The following CSMD1 variants were observed in gnomAD, a reference collection of about 807,000 sequenced individuals.
CSMD1 encodes CUB and Sushi multiple domains 1.
A neutral mutation model predicts 417.5 loss-of-function variants in CSMD1; 213 were observed. That is an observed-to-expected ratio of 0.51 (90% CI 0.46 to 0.57). The LOEUF (loss-of-function observed/expected upper bound fraction) is 0.57. Among genes scored for constraint, CSMD1 ranks in the 20% least tolerant of loss-of-function variants. The probability of loss-of-function intolerance (pLI) is 0.00; values close to 1 mark genes in which losing one functional copy is unlikely to be tolerated. For missense variants in CSMD1, 6,923 were observed against 4,529.7 expected (o/e 1.53, Z -15.17); for synonymous variants, 2,862 against 1,736.8 (o/e 1.65, Z -16.11).
intron 18 of CSMD1, among the ~76,000 whole-genome samples, chr8:3,382,523 T>TTATATAAATATATATATATAAATA (rs1810700783): frequency 1.5e-5 from 2 of 132,144 alleles, no homozygotes; most frequent in African/African-American, 5.6e-5. Flanking sequence ...ATATATAAAT[T>TTATATAAATATATATATATAAATA]TATATAAATA....
intron 1 of CSMD1, among the ~76,000 whole-genome samples, chr8:4,691,815 C>G (rs1806785713): frequency 6.6e-6 from 1 of 152,206 alleles, no homozygotes; most frequent in South Asian, 2.1e-4. Flanking sequence ...CTAACCACAG[C>G]AGATAAAGTC....
intron 41 of CSMD1, among the ~76,000 whole-genome samples, chr8:3,119,023 A>T (rs909623475): frequency 2.6e-5 from 4 of 152,158 alleles, no homozygotes. Context: ...TACTAAAAAT[A>T]CAAAAAGTTA....
intron 1 of CSMD1, among the ~76,000 whole-genome samples, chr8:4,702,469 T>C (rs1807636399): frequency 6.6e-6 from 1 of 152,138 alleles, no homozygotes; most frequent in Non-Finnish European, 1.5e-5. Context: ...AATAGTCCCC[T>C]TCAGTCAAAA....
intron 5 of CSMD1, among the ~76,000 whole-genome samples, chr8:3,995,231 A>C (rs372594539): frequency 7.9e-5 from 12 of 152,192 alleles, no homozygotes; most frequent in Non-Finnish European, 1.6e-4. Context: ...GTAGGTTTCC[A>C]TAGTTATTTA....
chr8:4,575,339 C>T (rs1799087618), intron 2 of CSMD1, among the ~76,000 whole-genome samples: 1 of 152,162 alleles, frequency 6.6e-6, no homozygotes, highest in Admixed American at 6.5e-5. Context: ...GTGGCAATAA[C>T]AGGTCACATT....
chr8:4,798,904 G>C (rs925741721), intron 1 of CSMD1, among the ~76,000 whole-genome samples: 1 of 152,138 alleles, frequency 6.6e-6, no homozygotes, highest in Admixed American at 6.5e-5. Flanking sequence ...TCAGACCAAA[G>C]TAAAAATTCA....
chr8:4,342,768 A>G (rs1369070339), intron 3 of CSMD1, among the ~76,000 whole-genome samples: 2 of 152,092 alleles, frequency 1.3e-5, no homozygotes, highest in Non-Finnish European at 2.9e-5. Flanking sequence ...TAAAAAGAAA[A>G]ATAATACAAG....
intron 26 of CSMD1, among the ~76,000 whole-genome samples, chr8:3,276,597 A>G (rs1187401550): frequency 6.6e-6 from 1 of 152,160 alleles, no homozygotes; most frequent in Non-Finnish European, 1.5e-5. Context: ...GATACGTGGG[A>G]ATTGTGGGAG....
At chr8:3,718,219 G>A (rs1362774316) in intron 6 of CSMD1, among the ~76,000 whole-genome samples, 2 of 152,052 alleles carry the variant, frequency 1.3e-5, no homozygotes, top group Admixed American at 1.3e-4. Context: ...TTAAAGTCTG[G>A]AAACAGTTGT....
intron 1 of CSMD1, among the ~76,000 whole-genome samples, chr8:4,881,455 CTATCT>C (rs200081570): frequency 0.075 from 4,011 of 53,618 alleles, 67 homozygotes; most frequent in East Asian, 0.27. Flanking sequence ...ATCTATCTAT[CTATCT>C]ATCTTGTCTC....
chr8:4,447,847 TAAA>T lies in CSMD1; in HGVS notation c.303-27785_303-27783del, dbSNP rs35163425. On this transcript the variant is annotated intron_variant, in intron 2 of 69. Transcript: ENST00000635120. ...GTTTCAAAGATTTAAGTGATAAACT[TAAA>T]AAAGTGTAAGTAGAGGAGGCTCGAC... is the stretch of plus-strand genomic sequence containing the variant. 7.9e-3 allele frequency among the ~76,000 whole-genome samples: 1,196 copies of T among 152,312 alleles called. 12 individuals are homozygous for T. Among genetic ancestry groups the T allele is most frequent in the African/African-American group, 0.024 (996 of 41,560 alleles).
chr8:3,637,052 C>G (rs1435503060), intron 7 of CSMD1, among the ~76,000 whole-genome samples: 1 of 152,094 alleles, frequency 6.6e-6, no homozygotes, highest in Non-Finnish European at 1.5e-5. Flanking sequence ...AAAACCCTCG[C>G]CAGAATCAGG....
At chr8:3,516,958 T>C (rs535829165) in intron 10 of CSMD1, among the ~76,000 whole-genome samples, 15 of 152,332 alleles carry the variant, frequency 9.8e-5, no homozygotes, top group African/African-American at 2.9e-4. Context: ...ATAAAGAGGA[T>C]GCTTCTGTAA....
chr8:3,941,142 G>C (rs1262586147), intron 5 of CSMD1, among the ~76,000 whole-genome samples: 4 of 151,934 alleles, frequency 2.6e-5, no homozygotes, highest in Admixed American at 2.0e-4. Context: ...CAGTTAAGAA[G>C]AAATAAAAGC....
At position 4,799,598 on chromosome 8, in the gene CSMD1, C is replaced by CAAAAAAAAAAAAAAAAAA. The variant is rs1168273531; in HGVS notation, c.86-162058_86-162041dup. Among the ~76,000 whole-genome samples, 3 of 47,170 alleles carry CAAAAAAAAAAAAAAAAAA rather than the reference C, an allele frequency of 6.4e-5. 1 individual carries two copies. Among genetic ancestry groups the CAAAAAAAAAAAAAAAAAA allele is most frequent in the Non-Finnish European group, 1.0e-4 (3 of 29,592 alleles). The allele number at this position is 47,170 out of a possible 152,430, so 30.9% of individuals were successfully genotyped here. A position where few individuals can be genotyped will look rare whatever the true frequency, so the allele number is the denominator to read the frequency against. On this transcript the variant is annotated intron_variant, in intron 1 of 69. Transcript: ENST00000635120. ...TGTGTGAGAGAGCAAGACTCCGTCT[C>CAAAAAAAAAAAAAAAAAA]AAAAAAAAAAAAAAAAAAAAAAAAA...
rs572723307 is a variant in CSMD1 at position 3,456,503 on chromosome 8, T to A, written c.1561+12209A>T. On this transcript the variant is annotated intron_variant, in intron 12 of 69. Coordinates refer to ENST00000635120, the MANE Select transcript of CSMD1 (RefSeq NM_033225.6). Reference sequence around the variant, plus strand: ...TGCATAACACTGAAGGCCTTGTGAATGATGTCACCATGTGCTTTGTGGTTA... The same window carrying A: ...TGCATAACACTGAAGGCCTTGTGAAAGATGTCACCATGTGCTTTGTGGTTA... 2.6e-5 allele frequency among the ~76,000 whole-genome samples: 4 copies of A among 152,344 alleles called. No individual in the cohort carries two copies. The South Asian group carries it at 8.3e-4, about 32-fold the overall frequency.
intron 3 of CSMD1, among the ~76,000 whole-genome samples, chr8:4,367,148 G>C (rs141763574): frequency 4.6e-5 from 7 of 152,024 alleles, no homozygotes; most frequent in Admixed American, 1.3e-4. Context: ...GTATTTCTTA[G>C]GTTGTTTTCT....
intron 5 of CSMD1, among the ~76,000 whole-genome samples, chr8:3,872,526 G>C (rs910901555): frequency 4.6e-5 from 7 of 152,184 alleles, no homozygotes; most frequent in African/African-American, 2.4e-5. Flanking sequence ...GTTCTGCCAG[G>C]TCACTGAAAG....
intron 3 of CSMD1, among the ~76,000 whole-genome samples, chr8:4,089,265 C>G (rs1383230720): frequency 6.6e-6 from 1 of 152,112 alleles, no homozygotes; most frequent in Non-Finnish European, 1.5e-5. Flanking sequence ...CACATTTTCT[C>G]CAGGAATTAG....
Sources: allele counts gnomAD v4.1 joint callset (sites outside exome capture counted in the v4.1 genomes callset), GRCh38; gene constraint gnomAD v4.1.1; transcripts MANE v1.5; gene names NCBI Gene and HGNC (gene_info 2026-07-23, HGNC 2026-07-21).